PTGS1: variants seen among roughly 807,000 people sequenced by gnomAD.
PTGS1 encodes the protein prostaglandin-endoperoxide synthase 1.
A neutral mutation model predicts 63.0 loss-of-function variants in PTGS1; 40 were observed. That is an observed-to-expected ratio of 0.63 (90% CI 0.49 to 0.83). The LOEUF (loss-of-function observed/expected upper bound fraction) is 0.83. Ranked by LOEUF, PTGS1 falls within the 40% of genes least tolerant of loss-of-function variation. The probability of loss-of-function intolerance (pLI) is 0.00; values close to 1 mark genes in which losing one functional copy is unlikely to be tolerated. For missense variants in PTGS1, 709 were observed against 786.5 expected, an observed-to-expected ratio of 0.90 and a Z score of 1.18; for synonymous variants, 298 against 301.9, an observed-to-expected ratio of 0.99 and a Z score of 0.13.
At chr9:122,381,624 G>A (rs374609485) in intron 6 of PTGS1, 40 bp from the exon 7 acceptor site, 23 of 1,612,840 alleles carry the variant, frequency 1.4e-5, no homozygotes, top group Admixed American at 3.3e-5. Flanking sequence ...ACAGTGGGCC[G>A]GCACCCTGGT....
At chr9:122,389,148 C>CTTTTTTTTTTTTTTTTTTTTTTTTTT (rs11313763) in intron 9 of PTGS1, among the ~76,000 whole-genome samples, 1 of 81,522 alleles carries the variant, frequency 1.2e-5, no homozygotes, top group Non-Finnish European at 2.6e-5. Flanking sequence ...CTTTTCTTTC[C>CTTTTTTTTTTTTTTTTTTTTTTTTTT]TTTTTTTTTT....
At position 122,393,856 on chromosome 9, in the gene PTGS1, T is replaced by G. The variant is rs2119203440; in HGVS notation, c.*1312T>G. On this transcript the variant is annotated 3_prime_UTR_variant, in exon 11 of 11. Coordinates refer to ENST00000362012, the MANE Select transcript of PTGS1 (RefSeq NM_000962.4). The stretch of plus-strand genomic sequence containing the variant: ...TGGCTCAGGGTCAAAGACAGAATGG[T>G]GGAGTGTAGCCTCCACCTGATATTC... The G allele has an allele frequency of 6.6e-6, 1 of 152,260 alleles. No homozygotes were observed. Among genetic ancestry groups the G allele is most frequent in the Admixed American group, 6.5e-5 (1 of 15,286 alleles). The allele number at this position is 152,260 out of a possible 1,614,324, so 9.4% of individuals were successfully genotyped here.
intron 9 of PTGS1, among the ~76,000 whole-genome samples, chr9:122,388,944 T>C (rs1838039128): frequency 6.6e-6 from 1 of 152,112 alleles, no homozygotes; most frequent in Non-Finnish European, 1.5e-5. Context: ...ACATATTTAA[T>C]ATTTTAGGGA....
chr9:122,389,473 T>C (rs1173349861), intron 9 of PTGS1, among the ~76,000 whole-genome samples: 1 of 152,220 alleles, frequency 6.6e-6, no homozygotes, highest in Non-Finnish European at 1.5e-5. Context: ...TTCTTTAGAC[T>C]AATGCGCCTT....
intron 2 of PTGS1, chr9:122,375,265 C>CGCACA: frequency 1.0e-6 from 1 of 984,900 alleles, no homozygotes; most frequent in Non-Finnish European, 1.2e-6. Flanking sequence ...CCTCAGCTCC[C>CGCACA]GCACAGCCTC....
chr9:122,387,526 C>A (rs773715224), intron 9 of PTGS1, among the ~76,000 whole-genome samples: 10 of 152,068 alleles, frequency 6.6e-5, no homozygotes, highest in Non-Finnish European at 1.5e-4. Flanking sequence ...TTAGGCTGGG[C>A]CCTAATCCAG....
chr9:122,392,179 C>T lies in PTGS1; in HGVS notation c.1445-10C>T. 6.4e-7 allele frequency: 1 copy of T among 1,566,604 alleles called. No individual in the cohort carries two copies. Among genetic ancestry groups the T allele is most frequent in the Non-Finnish European group, 8.7e-7 (1 of 1,151,314 alleles). The stretch of plus-strand genomic sequence containing the variant: ...ATCTGATGCTAGCATTTCCCCTTAT[C>T]TCCTTGTAGGAGAGAAGGAGATGGC... On this transcript the variant is annotated splice_polypyrimidine_tract_variant and intron_variant, in intron 10 of 10. Transcript: ENST00000362012.
Position 122,392,621 on chromosome 9 carries a change from C to T in PTGS1, c.*77C>T, listed in dbSNP as rs1838361317. On this transcript the variant is annotated 3_prime_UTR_variant, in exon 11 of 11. Coordinates refer to ENST00000362012, the MANE Select transcript of PTGS1 (RefSeq NM_000962.4). ...GAGTGCTGAGGCCAGGGCTGATGGT[C>T]TTAAATGCTCATTTTCTGGTTTGGC... 1 of 1,330,306 alleles carries T rather than the reference C, an allele frequency of 7.5e-7. No homozygotes were observed. The highest frequency in any genetic ancestry group is 1.5e-5 in the African/African-American group (1 of 68,380). The allele number at this position is 1,330,306 out of a possible 1,614,324, so 82.4% of individuals were successfully genotyped here. A position where few individuals can be genotyped will look rare whatever the true frequency, so the allele number is the denominator to read the frequency against.
chr9:122,381,790 A>G lies in PTGS1; in HGVS notation c.762+43A>G, dbSNP rs766648137. The G allele has an allele frequency of 5.7e-6, 9 of 1,577,486 alleles. No homozygotes were observed. The East Asian group carries it at 1.3e-4, about 24-fold the overall frequency. On this transcript the variant is annotated intron_variant, in intron 7 of 10. Transcript: ENST00000362012. Reference sequence around the variant, plus strand: ...GGTAGGGCAGAGGGAGGGGTCTCCCATGGTCTTCCCTGGCAAAGACTGCTT... The same window carrying G: ...GGTAGGGCAGAGGGAGGGGTCTCCCGTGGTCTTCCCTGGCAAAGACTGCTT...
At chr9:122,389,148 C>CTTTTTTTTTTTTTT in intron 9 of PTGS1, among the ~76,000 whole-genome samples, 1 of 81,522 alleles carries the variant, frequency 1.2e-5, no homozygotes, top group Non-Finnish European at 2.6e-5. Context: ...CTTTTCTTTC[C>CTTTTTTTTTTTTTT]TTTTTTTTTT....
upstream of PTGS1, chr9:122,370,940 C>CT: frequency 1.5e-6 from 2 of 1,303,348 alleles, no homozygotes; most frequent in Non-Finnish European, 2.1e-6. Flanking sequence ...AGGAAGTAAG[C>CT]GGGCAGCCGA....
At chr9:122,387,621 G>A (rs1837951922) in intron 9 of PTGS1, among the ~76,000 whole-genome samples, 1 of 152,200 alleles carries the variant, frequency 6.6e-6, no homozygotes, top group Non-Finnish European at 1.5e-5. Context: ...CCATCTACAA[G>A]CCAAGGAAAG....
chr9:122,380,088 C>A (rs962995094), intron 5 of PTGS1, among the ~76,000 whole-genome samples: 6 of 152,108 alleles, frequency 3.9e-5, no homozygotes, highest in African/African-American at 1.4e-4. Context: ...GTTGACACAC[C>A]TATTTTAAGG....
chr9:122,375,053 T>C (rs1005647065), intron 2 of PTGS1, among the ~76,000 whole-genome samples: 19 of 152,308 alleles, frequency 1.2e-4, no homozygotes, highest in Middle Eastern at 6.8e-3. Flanking sequence ...GCTTTCTGGC[T>C]GGGCTGTGAT....
chr9:122,380,024 A>G (rs2119143413), intron 5 of PTGS1, among the ~76,000 whole-genome samples: 1 of 152,292 alleles, frequency 6.6e-6, no homozygotes, highest in Non-Finnish European at 1.5e-5. Context: ...TACTTATTCT[A>G]AGGATGACTT....
At chr9:122,390,136 A>T in intron 9 of PTGS1, 62 bp from the exon 10 acceptor site, 1 of 1,562,982 alleles carries the variant, frequency 6.4e-7, no homozygotes, top group East Asian at 2.3e-5. Flanking sequence ...CCAGGAACTT[A>T]CCCAGGCTCC....
intron 8 of PTGS1, among the ~76,000 whole-genome samples, chr9:122,384,387 G>C (rs1409131969): frequency 6.6e-6 from 1 of 152,118 alleles, no homozygotes; most frequent in African/African-American, 2.4e-5. Flanking sequence ...GGCACCACTG[G>C]GCATGGCTGG....
At chr9:122,370,640 T>C, upstream of PTGS1, 1 of 246,352 alleles carries the variant, frequency 4.1e-6, no homozygotes, top group Non-Finnish European at 7.9e-6. Flanking sequence ...TTTTCTTCTC[T>C]ACCCTTTTCT....
chr9:122,388,693 T>C (rs1838026422), intron 9 of PTGS1, among the ~76,000 whole-genome samples: 1 of 152,198 alleles, frequency 6.6e-6, no homozygotes, highest in African/African-American at 2.4e-5. Context: ...CTCCTTGGCA[T>C]CTGGTGGTGG....
Sources: allele counts gnomAD v4.1 joint callset (sites outside exome capture counted in the v4.1 genomes callset), GRCh38; gene constraint gnomAD v4.1.1; transcripts MANE v1.5; gene names NCBI Gene and HGNC (gene_info 2026-07-23, HGNC 2026-07-21).